CTBP2: variants seen among roughly 807,000 people sequenced by gnomAD.
CTBP2 encodes the protein C-terminal binding protein 2, also known as C-terminal-binding protein 2.
In CTBP2, 30 loss-of-function variants were observed where a neutral mutation model predicts 80.3. The ratio of observed to expected loss-of-function variants is 0.37; its 90% confidence interval spans 0.28 to 0.51. The LOEUF (loss-of-function observed/expected upper bound fraction) is 0.51. Among genes scored for constraint, CTBP2 ranks in the 20% least tolerant of loss-of-function variants. The pLI is 0.93. For missense variants in CTBP2, 1,212 were observed against 1,375.3 expected (o/e 0.88, Z 1.88); for synonymous variants, 594 against 587.4 (o/e 1.01, Z -0.16).
intron 2 of CTBP2, among the ~76,000 whole-genome samples, chr10:125,109,370 T>C (rs528166204): frequency 5.5e-4 from 84 of 152,266 alleles, no homozygotes; most frequent in Non-Finnish European, 1.1e-3. Flanking sequence ...GAAAACATCT[T>C]TGGACCCAGC....
Position 125,027,057 on chromosome 10 carries a change from C to A in CTBP2, c.703G>T (p.Asp235Tyr). 1 of 1,613,208 alleles carries A rather than the reference C, an allele frequency of 6.2e-7. No homozygotes were observed. The highest frequency in any genetic ancestry group is 1.3e-5 in the African/African-American group (1 of 75,056). Residue 235 changes from aspartate to tyrosine, a missense_variant, in exon 1 of 9, where the codon GAC (aspartate) becomes TAC (tyrosine). Asp to Tyr is a radical substitution (Grantham distance 160). This residue lies in a region of CTBP2 where 848 missense variants were observed against 782.3 expected (regional missense o/e 1.08). Transcript: ENST00000309035. ...TCGGGGGCAGCAGCTGAACTGGGGT[C>A]CACAACCAGGCACGTCGGGGCCACC... is the stretch of plus-strand genomic sequence containing the variant.
intron 2 of CTBP2, among the ~76,000 whole-genome samples, chr10:125,100,030 T>C (rs1294977588): frequency 1.3e-5 from 2 of 152,178 alleles, no homozygotes; most frequent in East Asian, 3.8e-4. Flanking sequence ...ACACATAGAC[T>C]CTGAAAACCT....
chr10:125,005,679 C>T, intron 1 of CTBP2: 1 of 1,612,930 alleles, frequency 6.2e-7, no homozygotes, highest in Non-Finnish European at 8.5e-7. Flanking sequence ...CACCTGGGCT[C>T]CTGTTTTCTG....
chr10:125,070,313 T>C (rs1175727956), intron 2 of CTBP2, among the ~76,000 whole-genome samples: 1 of 152,152 alleles, frequency 6.6e-6, no homozygotes, highest in African/African-American at 2.4e-5. Context: ...ATCGTGCCAC[T>C]GCACTCCAGC....
chr10:125,078,279 C>CA (rs1214515506), intron 2 of CTBP2, among the ~76,000 whole-genome samples: 2,062 of 79,160 alleles, frequency 0.026, 47 homozygotes, highest in African/African-American at 0.047. Flanking sequence ...GACTCCGTCT[C>CA]AAAAAAAAAA....
rs1037566398 is a variant in CTBP2 at position 125,066,353 on chromosome 10, A to G, written c.-101-27198T>C. On this transcript the variant is annotated intron_variant, in intron 2 of 10. Coordinates refer to the CTBP2 transcript ENST00000337195. This position sits in a 1 kb window ranked among gnomAD's most constrained non-coding sequence, Gnocchi z 4.1. ...ACATCAGGACCAGCGAGAAATCGGG[A>G]AAACATCAAGTCAGAACGTCCCGTG... Among the ~76,000 whole-genome samples, 2 of 152,126 alleles carry G rather than the reference A, an allele frequency of 1.3e-5. No homozygotes were observed. Among genetic ancestry groups the G allele is most frequent in the African/African-American group, 2.4e-5 (1 of 41,442 alleles).
At chr10:125,022,720 C>T (rs1417241229) in intron 1 of CTBP2, among the ~76,000 whole-genome samples, 1 of 152,234 alleles carries the variant, frequency 6.6e-6, no homozygotes, top group African/African-American at 2.4e-5. Context: ...TGCTGGTCTG[C>T]AGGGCCAGCC....
intron 2 of CTBP2, among the ~76,000 whole-genome samples, chr10:125,071,023 C>T (rs780353996): frequency 1.1e-4 from 16 of 152,360 alleles, no homozygotes; most frequent in Middle Eastern, 3.4e-3. Flanking sequence ...CAAAATGCCC[C>T]GTATGCGGTG....
intron 2 of CTBP2, among the ~76,000 whole-genome samples, chr10:125,108,760 G>A (rs1038437539): frequency 6.6e-6 from 1 of 152,260 alleles, no homozygotes. Flanking sequence ...CACTCAGTGT[G>A]TGCGTGGGCC....
At chr10:125,038,764 C>T (rs1374224438) in intron 3 of CTBP2, among the ~76,000 whole-genome samples, 1 of 152,226 alleles carries the variant, frequency 6.6e-6, no homozygotes, top group Non-Finnish European at 1.5e-5. Flanking sequence ...CCCACCAGCC[C>T]TGAAACTGTC....
intron 2 of CTBP2, among the ~76,000 whole-genome samples, chr10:125,062,657 T>G (rs1168355855): frequency 2.0e-5 from 3 of 152,120 alleles, no homozygotes; most frequent in Non-Finnish European, 4.4e-5. Context: ...TGAGGTCAGT[T>G]TAAGACCAGC....
rs1952216387 is a variant in CTBP2, at chr10:124,988,929, A to G, written c.*589T>C. 1 of 151,658 alleles carries G rather than the reference A, an allele frequency of 6.6e-6. No individual in the cohort carries two copies. Among genetic ancestry groups the G allele is most frequent in the African/African-American group, 2.4e-5 (1 of 41,122 alleles). The allele number at this position is 151,658 out of a possible 1,614,324, so 9.4% of individuals were successfully genotyped here. ...ATCAGAGGGTTTTACTGAACTTACAACCGACTTGCCCGCTCAGTATGCAGT... is the reference window on the plus strand; with the variant it reads ...ATCAGAGGGTTTTACTGAACTTACAGCCGACTTGCCCGCTCAGTATGCAGT... On this transcript the variant is annotated 3_prime_UTR_variant, in exon 9 of 9. Transcript: ENST00000309035.
intron 3 of CTBP2, chr10:124,999,639 T>TGC (rs1954157237): frequency 6.6e-6 from 1 of 151,896 alleles, no homozygotes; most frequent in Non-Finnish European, 1.5e-5. Context: ...CACCGACCCC[T>TGC]GCCAAGGGAC....
intron 2 of CTBP2, among the ~76,000 whole-genome samples, chr10:125,098,876 A>G (rs562727582): frequency 6.6e-6 from 1 of 152,084 alleles, no homozygotes. Flanking sequence ...AAGGGGCTCA[A>G]TCTGCTCTGG....
intron 4 of CTBP2, among the ~76,000 whole-genome samples, chr10:124,995,136 A>G (rs1000495464): frequency 6.6e-6 from 1 of 152,078 alleles, no homozygotes; most frequent in Non-Finnish European, 1.5e-5. Flanking sequence ...CTGCCTCCTC[A>G]TTGCTGGGCT....
intron 2 of CTBP2, among the ~76,000 whole-genome samples, chr10:125,108,505 T>A (rs886792737): frequency 6.6e-6 from 1 of 152,212 alleles, no homozygotes; most frequent in Non-Finnish European, 1.5e-5. Flanking sequence ...CCATACGTGG[T>A]CCTTACTTTG....
In CTBP2 at chr10:124,986,910, C is replaced by G. The variant is rs1025656560; in HGVS notation, c.*2608G>C. On this transcript the variant is annotated 3_prime_UTR_variant, in exon 9 of 9. Coordinates refer to ENST00000309035, the MANE Select transcript of CTBP2 (RefSeq NM_022802.3). ...CGTTGTCCAGAGTACACGCTCAGCA[C>G]TTAGCTTCTACTGTGTGTTGTGGTC... 2 of 152,354 alleles carry G rather than the reference C, an allele frequency of 1.3e-5. No homozygotes were observed. The highest frequency in any genetic ancestry group is 4.8e-5 in the African/African-American group (2 of 41,448). 9.4% of individuals were successfully genotyped at this position (152,354 alleles called of 1,614,324 possible).
chr10:125,102,796 A>T (rs1176355108), intron 2 of CTBP2, among the ~76,000 whole-genome samples: 1 of 152,174 alleles, frequency 6.6e-6, no homozygotes, highest in Non-Finnish European at 1.5e-5. Context: ...GGGTCCTTGA[A>T]TTTGATACAG....
At chr10:125,146,174 T>A (rs966425474) in intron 1 of CTBP2, among the ~76,000 whole-genome samples, 1 of 152,212 alleles carries the variant, frequency 6.6e-6, no homozygotes, top group African/African-American at 2.4e-5. Flanking sequence ...GGTTTTGCCA[T>A]GTTGGCCAGG....
Sources: allele counts gnomAD v4.1 joint callset (sites outside exome capture counted in the v4.1 genomes callset), GRCh38; gene constraint gnomAD v4.1.1; regional missense constraint gnomAD v4.1.1; non-coding constraint Gnocchi (gnomAD v3.1); transcripts MANE v1.5; gene names NCBI Gene and HGNC (gene_info 2026-07-23, HGNC 2026-07-21).